COPG2: variants seen among roughly 807,000 people sequenced by gnomAD.
COPG2 encodes coatomer subunit gamma-2.
Under a neutral mutation model 46.3 loss-of-function variants are expected in COPG2, and 37 were observed. The ratio of observed to expected loss-of-function variants is 0.80; its 90% CI spans 0.61 to 1.05. COPG2 has a LOEUF of 1.05. Among genes scored for constraint, COPG2 ranks in the 50% least tolerant of loss-of-function variants. The pLI is 0.00. For missense variants in COPG2, 427 were observed against 387.8 expected (o/e 1.10, Z -0.85); for synonymous variants, 159 against 129.7 (o/e 1.23, Z -1.53).
At chr7:130,622,343 G>A (rs1327340491) in intron 5 of COPG2, among the ~76,000 whole-genome samples, 3 of 152,114 alleles carry the variant, frequency 2.0e-5, no homozygotes, top group Non-Finnish European at 4.4e-5. Context: ...GTGAATCTGA[G>A]TAGGCAAAAA....
Position 130,559,984 on chromosome 7 carries a change from C to G in COPG2, c.1128+1049G>C, listed in dbSNP as rs979839657. ...CATCTCTGACATACTCTCACCAGTT[C>G]TATTCAACCCTGTTCTGGAAGTACT... On this transcript the variant is annotated intron_variant, in intron 12 of 23. Coordinates refer to ENST00000425248, the MANE Select transcript of COPG2 (RefSeq NM_012133.6). Among the ~76,000 whole-genome samples, 120 of 152,068 alleles carry G rather than the reference C, an allele frequency of 7.9e-4. 2 individuals carry two copies. The highest frequency in any genetic ancestry group is 1.5e-3 in the Non-Finnish European group (105 of 68,010).
At chr7:130,600,074 C>A (rs1324538145) in intron 9 of COPG2, among the ~76,000 whole-genome samples, 1 of 152,134 alleles carries the variant, frequency 6.6e-6, no homozygotes, top group Non-Finnish European at 1.5e-5. Context: ...CTTGATTTCT[C>A]AGTTTCTGAG....
intron 12 of COPG2, among the ~76,000 whole-genome samples, chr7:130,559,595 T>A (rs2116399716): frequency 6.6e-6 from 1 of 152,284 alleles, no homozygotes. Context: ...CCTAAGTCAC[T>A]GAGGAATCAT....
intron 5 of COPG2, among the ~76,000 whole-genome samples, chr7:130,649,850 C>T (rs1554458852): frequency 6.6e-6 from 1 of 152,196 alleles, no homozygotes; most frequent in African/African-American, 2.4e-5. Context: ...ACCCCACTTC[C>T]AGGTACCAAA....
intron 12 of COPG2, among the ~76,000 whole-genome samples, chr7:130,558,441 C>T (rs943075886): frequency 3.3e-5 from 5 of 152,194 alleles, no homozygotes; most frequent in Non-Finnish European, 7.4e-5. Flanking sequence ...TGCTGCCATG[C>T]TTCCTGTTCA....
At chr7:130,513,770 G>T (rs782107775) in intron 20 of COPG2, among the ~76,000 whole-genome samples, 17 of 152,130 alleles carry the variant, frequency 1.1e-4, no homozygotes, top group Non-Finnish European at 1.6e-4. Context: ...AGGAAGAAAA[G>T]ACTAAATTCA....
chr7:130,605,340 T>G, intron 9 of COPG2: 2 of 495,914 alleles, frequency 4.0e-6, no homozygotes, highest in South Asian at 3.0e-5. Context: ...TTCCTAGAAC[T>G]GATGAATATG....
intron 20 of COPG2, among the ~76,000 whole-genome samples, chr7:130,545,391 A>G (rs2116377415): frequency 6.6e-6 from 1 of 152,268 alleles, no homozygotes; most frequent in African/African-American, 2.4e-5. Context: ...TTATAAGGAA[A>G]AATATTATTT....
intron 9 of COPG2, among the ~76,000 whole-genome samples, chr7:130,591,167 AGCCGCC>A (rs1794407701): frequency 9.2e-5 from 12 of 130,940 alleles, no homozygotes; most frequent in African/African-American, 3.2e-4. Flanking sequence ...CCGCCCGGCC[AGCCGCC>A]CCGTCCGGGA....
chr7:130,531,348 G>A (rs1043676449), intron 20 of COPG2, among the ~76,000 whole-genome samples: 4 of 152,206 alleles, frequency 2.6e-5, no homozygotes, highest in African/African-American at 9.6e-5. Context: ...CTCACGTAGG[G>A]TGCAAGGTCA....
intron 20 of COPG2, among the ~76,000 whole-genome samples, chr7:130,545,817 G>A (rs1793433889): frequency 1.3e-5 from 2 of 152,028 alleles, no homozygotes; most frequent in Admixed American, 1.3e-4. Flanking sequence ...TTAGTGAAGA[G>A]GGGCAAGAAA....
chr7:130,646,852 G>C (rs1001113569), intron 5 of COPG2, among the ~76,000 whole-genome samples: 1 of 151,194 alleles, frequency 6.6e-6, no homozygotes, highest in Non-Finnish European at 1.5e-5. Flanking sequence ...GCCTCCCCCA[G>C]CCACGCGGAA....
chr7:130,634,256 A>G (rs1433830829), intron 5 of COPG2, among the ~76,000 whole-genome samples: 1 of 152,210 alleles, frequency 6.6e-6, no homozygotes, highest in Non-Finnish European at 1.5e-5. Context: ...AATTATGTGA[A>G]GAAAGCCAAT....
At chr7:130,607,353 C>A in intron 9 of COPG2, 1 of 329,626 alleles carries the variant, frequency 3.0e-6, no homozygotes, top group Non-Finnish European at 6.0e-6. Context: ...TGGATCATAT[C>A]AGGGTTAGTT....
Position 130,568,236 on chromosome 7 carries a change from T to C in COPG2, c.738-3843A>G, listed in dbSNP as rs1484115360. On this transcript the variant is annotated intron_variant, in intron 9 of 23. Coordinates refer to ENST00000425248, the MANE Select transcript of COPG2 (RefSeq NM_012133.6). ...GTTGCGGTGAGCCAAGATCGCGCCA[T>C]TGCACTCCAGCCTGGGCAACAGGAG... Among the ~76,000 whole-genome samples, 7 of 152,082 alleles carry C rather than the reference T, an allele frequency of 4.6e-5. No individual in the cohort carries two copies. In the East Asian group the frequency reaches 1.4e-3, roughly 29 times the overall value.
intron 20 of COPG2, among the ~76,000 whole-genome samples, chr7:130,518,919 C>T (rs1317377818): frequency 1.0e-4 from 15 of 148,554 alleles, no homozygotes; most frequent in Non-Finnish European, 1.9e-4. Context: ...GGCAGGAAAA[C>T]TGCTTGAACC....
chr7:130,539,286 A>C (rs1266834683), intron 20 of COPG2, among the ~76,000 whole-genome samples: 2 of 152,004 alleles, frequency 1.3e-5, no homozygotes, highest in African/African-American at 4.8e-5. Flanking sequence ...GAGGAAGAGG[A>C]GGAAGTGGCG....
At chr7:130,607,848 C>A (rs570033109) in intron 9 of COPG2, 1 of 517,062 alleles carries the variant, frequency 1.9e-6, no homozygotes, top group Admixed American at 2.0e-5. Context: ...GCAAAAAAAC[C>A]CCACAAATTT....
At chr7:130,577,782 A>C (rs1194105425) in intron 9 of COPG2, among the ~76,000 whole-genome samples, 35 of 151,000 alleles carry the variant, frequency 2.3e-4, no homozygotes, top group South Asian at 4.2e-4. Context: ...AAAAAAAAAA[A>C]AAAAAACAAA....
Sources: allele counts gnomAD v4.1 joint callset (sites outside exome capture counted in the v4.1 genomes callset), GRCh38; gene constraint gnomAD v4.1.1; transcripts MANE v1.5; gene names NCBI Gene and HGNC (gene_info 2026-07-23, HGNC 2026-07-21).